CNTNAP4: variants seen among roughly 807,000 people sequenced by gnomAD.
CNTNAP4 encodes contactin-associated protein-like 4.
Under a neutral mutation model 148.4 loss-of-function variants are expected in CNTNAP4, and 98 were observed. The ratio of observed to expected loss-of-function variants is 0.66; its 90% CI spans 0.56 to 0.78. CNTNAP4 has a LOEUF of 0.78. Ranked by LOEUF, CNTNAP4 falls within the 30% of genes least tolerant of loss-of-function variation. The probability of loss-of-function intolerance (pLI) is 0.00; values close to 1 mark genes in which losing one functional copy is unlikely to be tolerated. For missense variants in CNTNAP4, 1,935 were observed against 1,565.6 expected, an observed-to-expected ratio of 1.24 and a Z score of -3.98; for synonymous variants, 730 against 565.1, an observed-to-expected ratio of 1.29 and a Z score of -4.14.
intron 12 of CNTNAP4, among the ~76,000 whole-genome samples, chr16:76,487,385 A>G (rs966802947): frequency 3.9e-5 from 6 of 152,246 alleles, no homozygotes; most frequent in African/African-American, 1.4e-4. Flanking sequence ...TAGAGCTTAC[A>G]GACTGGTAGG....
At chr16:76,348,111 TAATA>T (rs1210579588) in intron 2 of CNTNAP4, among the ~76,000 whole-genome samples, 1 of 151,352 alleles carries the variant, frequency 6.6e-6, no homozygotes, top group East Asian at 1.9e-4. Flanking sequence ...GGATTCTTAA[TAATA>T]AAGCAGCACC....
At chr16:76,485,652 C>T (rs1333542191) in intron 12 of CNTNAP4, among the ~76,000 whole-genome samples, 1 of 152,136 alleles carries the variant, frequency 6.6e-6, no homozygotes, top group Non-Finnish European at 1.5e-5. Flanking sequence ...AACACAAGGT[C>T]TGGGTCTCTG....
intron 21 of CNTNAP4, among the ~76,000 whole-genome samples, chr16:76,547,427 T>C (rs2144353797): frequency 6.6e-6 from 1 of 152,260 alleles, no homozygotes. Context: ...TTGAATGAAA[T>C]TTATAATTAC....
intron 2 of CNTNAP4, 54 bp downstream of exon 2, chr16:76,316,577 A>T: frequency 8.7e-7 from 1 of 1,155,976 alleles, no homozygotes; most frequent in East Asian, 2.4e-5. Context: ...CTAGTTTTTC[A>T]TTATCTTTGC....
At chr16:76,482,653 A>G (rs140677136) in intron 12 of CNTNAP4, among the ~76,000 whole-genome samples, 30 of 152,316 alleles carry the variant, frequency 2.0e-4, no homozygotes, top group Non-Finnish European at 3.4e-4. Context: ...GGTAGCTTCT[A>G]TCTGTCTCAC....
chr16:76,486,923 G>T (rs1474610193), intron 12 of CNTNAP4, among the ~76,000 whole-genome samples: 2 of 152,158 alleles, frequency 1.3e-5, no homozygotes, highest in South Asian at 2.1e-4. Flanking sequence ...AGAGATTGAT[G>T]CTGATTAGAT....
rs145565229 is a variant in CNTNAP4, at chr16:76,390,537, A to G, written c.390+35026A>G. Among the ~76,000 whole-genome samples the G allele has an allele frequency of 7.9e-5, 12 of 151,240 alleles. No individual in the cohort carries two copies. In the East Asian group the frequency reaches 2.4e-3, roughly 30 times the overall value. On this transcript the variant is annotated intron_variant, in intron 3 of 23. Transcript: ENST00000611870. ...CCAGGGAATCTGTTCATGAACTGCA[A>G]CTTAATGCTATCTCTTCTGGCCCCA...
chr16:76,462,122 G>A lies in CNTNAP4; in HGVS notation c.1483+17G>A. ...ATTTTGGAGGTAAGAATAGGTGCCA[G>A]GCTCTATGAGCAACTGAACCATATT... is the stretch of plus-strand genomic sequence containing the variant. On this transcript the variant is annotated intron_variant, in intron 9 of 23. Coordinates refer to ENST00000611870, the MANE Select transcript of CNTNAP4 (RefSeq NM_033401.5). The A allele has an allele frequency of 1.9e-6, 3 of 1,602,838 alleles. No individual in the cohort carries two copies. Among genetic ancestry groups the A allele is most frequent in the Non-Finnish European group, 2.6e-6 (3 of 1,172,420 alleles).
chr16:76,418,240 G>C (rs1597473336), intron 3 of CNTNAP4, among the ~76,000 whole-genome samples: 1 of 150,962 alleles, frequency 6.6e-6, no homozygotes, highest in East Asian at 1.9e-4. Flanking sequence ...TTACGCATAT[G>C]TTACAACGTT....
intron 23 of CNTNAP4, chr16:76,557,253 G>A (rs978711521): frequency 6.6e-6 from 1 of 152,054 alleles, no homozygotes; most frequent in African/African-American, 2.4e-5. Context: ...TGTTTTTCTT[G>A]AAGTGACACA....
intron 23 of CNTNAP4, among the ~76,000 whole-genome samples, chr16:76,554,917 T>G (rs1399140481): frequency 1.3e-5 from 2 of 152,096 alleles, no homozygotes; most frequent in African/African-American, 2.4e-5. Context: ...TTTGTTTAGC[T>G]TTTAGTTCTC....
At chr16:76,380,464 T>C (rs759538133) in intron 3 of CNTNAP4, among the ~76,000 whole-genome samples, 45 of 152,210 alleles carry the variant, frequency 3.0e-4, no homozygotes, top group African/African-American at 1.1e-3. Flanking sequence ...AGTATTGCTA[T>C]ACTTTAAAGG....
At chr16:76,511,838 GGAGAGAGAGAGA>G (rs61708542) in intron 15 of CNTNAP4, among the ~76,000 whole-genome samples, 1 of 148,162 alleles carries the variant, frequency 6.7e-6, no homozygotes, top group African/African-American at 2.5e-5. Context: ...ATATTTTCTT[GGAGAGAGAGAGA>G]GAGAGAGAGA....
chr16:76,474,762 T>C (rs1331223970), intron 10 of CNTNAP4, among the ~76,000 whole-genome samples: 1 of 152,172 alleles, frequency 6.6e-6, no homozygotes, highest in Non-Finnish European at 1.5e-5. Context: ...CCTATGTGTC[T>C]CAGTAATTTT....
At position 76,446,919 on chromosome 16, in the gene CNTNAP4, C is replaced by G. The variant is rs146896478; in HGVS notation, c.539-1093C>G. 1.1e-3 allele frequency among the ~76,000 whole-genome samples: 172 copies of G among 152,162 alleles called. 2 individuals are homozygous for G. In the East Asian group the frequency reaches 0.026, roughly 23 times the overall value. ...ATTTAACTTTAGAATTCCAAGAACT[C>G]CATTAAAAAACATTGATTGTGAAAT... is the stretch of plus-strand genomic sequence containing the variant. On this transcript the variant is annotated intron_variant, in intron 4 of 23. Transcript: ENST00000611870.
At position 76,521,040 on chromosome 16, in the gene CNTNAP4, G is replaced by A. The variant is rs536392770; in HGVS notation, c.2366-100G>A. The stretch of plus-strand genomic sequence containing the variant: ...ATTTGTATAAATAACATTTTAAATA[G>A]CAAAAGTGCTAAAAATAGAACATGT... On this transcript the variant is annotated intron_variant, in intron 15 of 23. Transcript: ENST00000611870. The A allele has an allele frequency of 2.6e-6, 3 of 1,140,320 alleles. No homozygotes were observed. The East Asian group carries it at 7.2e-5, about 27-fold the overall frequency. The allele number at this position is 1,140,320 out of a possible 1,614,324, so 70.6% of individuals were successfully genotyped here.
rs545045225 is a variant in CNTNAP4 at position 76,315,111 on chromosome 16, C to G, written c.86-1302C>G. ...GTTTCTTTTACTGGCGTGTATTATA[C>G]TGTTGTGAAAAGCACTGTTTTATTT... On this transcript the variant is annotated intron_variant, in intron 1 of 23. Transcript: ENST00000611870. Among the ~76,000 whole-genome samples the G allele has an allele frequency of 7.9e-5, 12 of 152,086 alleles. No homozygotes were observed. The East Asian group carries it at 2.3e-3, about 29-fold the overall frequency.
chr16:76,480,442 T>C (rs996442484), intron 12 of CNTNAP4, among the ~76,000 whole-genome samples: 1 of 152,182 alleles, frequency 6.6e-6, no homozygotes, highest in African/African-American at 2.4e-5. Context: ...AATGAACTAA[T>C]ATCCTAAATA....
At chr16:76,497,334 T>C (rs2082432653) in intron 14 of CNTNAP4, among the ~76,000 whole-genome samples, 1 of 152,132 alleles carries the variant, frequency 6.6e-6, no homozygotes, top group Non-Finnish European at 1.5e-5. Context: ...AAACATAATG[T>C]CTAAATAGAC....
Sources: allele counts gnomAD v4.1 joint callset (sites outside exome capture counted in the v4.1 genomes callset), GRCh38; gene constraint gnomAD v4.1.1; transcripts MANE v1.5; gene names NCBI Gene and HGNC (gene_info 2026-07-23, HGNC 2026-07-21).